Variants in DENND2A observed in about 807,000 individuals in gnomAD.
The protein encoded by DENND2A is DENN domain-containing protein 2A.
Under a neutral mutation model 105.3 loss-of-function variants are expected in DENND2A, and 53 were observed. The observed-to-expected ratio is 0.50, with a 90% CI of 0.40 to 0.63. The LOEUF is 0.63. Among genes scored for constraint, DENND2A ranks in the 30% least tolerant of loss-of-function variants. The pLI, the probability that DENND2A is intolerant of heterozygous loss-of-function variation, is 0.00. For missense variants in DENND2A, 1,138 were observed against 1,279.6 expected (o/e 0.89, Z 1.69); for synonymous variants, 522 against 508.4 (o/e 1.03, Z -0.36).
At chr7:140,638,109 T>TA (rs2130749341) in intron 1 of DENND2A, among the ~76,000 whole-genome samples, 1 of 152,292 alleles carries the variant, frequency 6.6e-6, no homozygotes, top group African/African-American at 2.4e-5. Context: ...AGTCTTTACA[T>TA]AAAGTTCCAC....
intron 9 of DENND2A, among the ~76,000 whole-genome samples, chr7:140,566,142 C>T (rs934258817): frequency 6.6e-6 from 1 of 152,158 alleles, no homozygotes; most frequent in Non-Finnish European, 1.5e-5. Flanking sequence ...AGCGATTCTA[C>T]AGCCTCAGCC....
At chr7:140,612,472 C>T (rs999501172) in intron 1 of DENND2A, among the ~76,000 whole-genome samples, 2 of 151,440 alleles carry the variant, frequency 1.3e-5, no homozygotes, top group African/African-American at 4.9e-5. Flanking sequence ...TTATATATAA[C>T]TTGACACCAA....
At chr7:140,564,798 C>T (rs1251863375) in intron 9 of DENND2A, among the ~76,000 whole-genome samples, 5 of 152,182 alleles carry the variant, frequency 3.3e-5, no homozygotes, top group Admixed American at 6.5e-5. Flanking sequence ...TTAAGCATTG[C>T]CACGTGAACA....
chr7:140,620,027 T>G lies in DENND2A; in HGVS notation c.-247-14221A>C, dbSNP rs573783241. On this transcript the variant is annotated intron_variant, in intron 1 of 19. Transcript: ENST00000496613. ...GGCCGACATAGTGAAACCCCGTCTC[T>G]ACTAAAAATACCAAAAAAATTAGGC... is the stretch of plus-strand genomic sequence containing the variant. Among the ~76,000 whole-genome samples, 176 of 150,092 alleles carry G rather than the reference T, an allele frequency of 1.2e-3. 2 individuals carry two copies. Among genetic ancestry groups the G allele is most frequent in the South Asian group, 7.8e-3 (37 of 4,772 alleles).
In DENND2A at chr7:140,544,499, C is replaced by A. The variant is rs955012657; in HGVS notation, c.2327+119G>T. ...TGTGAGTCACCGCGCCCAGCCTATT[C>A]CATCCTTATCTCAGAAGGGCTTACT... On this transcript the variant is annotated intron_variant, in intron 14 of 19. Coordinates refer to ENST00000496613, the MANE Select transcript of DENND2A (RefSeq NM_015689.5). 2.9e-6 allele frequency: 4 copies of A among 1,366,678 alleles called. No individual in the cohort carries two copies. In the Middle Eastern group the frequency reaches 5.3e-4, roughly 183 times the overall value. The allele number at this position is 1,366,678 out of a possible 1,614,324, so 84.7% of individuals were successfully genotyped here.
intron 5 of DENND2A, among the ~76,000 whole-genome samples, chr7:140,582,944 A>G (rs1284631985): frequency 6.6e-6 from 1 of 152,176 alleles, no homozygotes; most frequent in Non-Finnish European, 1.5e-5. Context: ...TTAGGTTTAG[A>G]ATATAAACCT....
Position 140,585,675 on chromosome 7 carries a change from C to T in DENND2A, c.1159G>A (p.Glu387Lys), listed in dbSNP as rs773432539. Residue 387 changes from glutamate to lysine, a missense_variant, in exon 5 of 20, where the codon GAG becomes AAG. Transcript: ENST00000496613. Reference sequence around the variant, plus strand: ...TTTCCCAGGCAGCGACCATGTAACTCGATGTCCTCATAAGGGTTCTCCTTC... The same window carrying T: ...TTTCCCAGGCAGCGACCATGTAACTTGATGTCCTCATAAGGGTTCTCCTTC... ...PMKENPYEDIELHGRCLGKKC... is the reference protein window; with the variant it reads ...PMKENPYEDIKLHGRCLGKKC... 5.0e-6 allele frequency: 8 copies of T among 1,614,076 alleles called. No homozygotes were observed. The African/African-American group carries it at 6.7e-5, about 13-fold the overall frequency.
upstream of DENND2A, among the ~76,000 whole-genome samples, chr7:140,641,040 T>A (rs1348012114): frequency 6.6e-6 from 1 of 152,046 alleles, no homozygotes. Flanking sequence ...CGGGCTCCAT[T>A]CCACCCAGGC....
intron 8 of DENND2A, 88 bp from the exon 9 acceptor site, chr7:140,567,361 G>A: frequency 8.5e-7 from 1 of 1,178,160 alleles, no homozygotes. Context: ...TGAGCAAAGA[G>A]CCTGAAATGA....
At chr7:140,555,777 C>T in intron 11 of DENND2A, 64 bp from the exon 12 acceptor site, 1 of 1,454,790 alleles carries the variant, frequency 6.9e-7, no homozygotes, top group East Asian at 2.3e-5. Flanking sequence ...AAGGAACCCA[C>T]ATGTTTTTTG....
At chr7:140,613,316 G>A (rs1799967802) in intron 1 of DENND2A, among the ~76,000 whole-genome samples, 1 of 151,990 alleles carries the variant, frequency 6.6e-6, no homozygotes, top group Admixed American at 6.6e-5. Context: ...AAGGCAGGCA[G>A]ATCACTTGAG....
chr7:140,547,445 C>T (rs1019764290), intron 12 of DENND2A, among the ~76,000 whole-genome samples: 1 of 152,108 alleles, frequency 6.6e-6, no homozygotes, highest in Non-Finnish European at 1.5e-5. Flanking sequence ...CCACTTCACA[C>T]CCGTTAGGAT....
chr7:140,606,317 G>A (rs145999884), intron 1 of DENND2A, among the ~76,000 whole-genome samples: 184 of 152,294 alleles, frequency 1.2e-3, no homozygotes, highest in African/African-American at 4.2e-3. Flanking sequence ...TGGGATTACC[G>A]GAGTGAGCCA....
In DENND2A at chr7:140,567,296, AAGAGAGAAAGAGAGAGAG is replaced by A. The variant is rs1467757511; in HGVS notation, c.1592-41_1592-24del. On this transcript the variant is annotated intron_variant, in intron 8 of 19. Transcript: ENST00000496613. ...GAGCTGGGTGAGGGAGGGAGAGAGAAAGAGAGAAAGAGAGAGAGAGAGAGAGAGAGAGAGAGAGAGAGA... is the reference window on the plus strand; with the variant it reads ...GAGCTGGGTGAGGGAGGGAGAGAGAAAGAGAGAGAGAGAGAGAGAGAGAGA... 5.5e-4 allele frequency: 461 copies of A among 831,354 alleles called. 4 individuals carry two copies. Among genetic ancestry groups the A allele is most frequent in the African/African-American group, 2.3e-3 (105 of 45,754 alleles). 51.5% of individuals were successfully genotyped at this position (831,354 alleles called of 1,614,324 possible). A position where few individuals can be genotyped will look rare whatever the true frequency, so the allele number is the denominator to read the frequency against.
At position 140,527,600 on chromosome 7, in the gene DENND2A, A is replaced by G. The variant is rs1003401408; in HGVS notation, c.2328-105T>C. 45 of 1,229,950 alleles carry G rather than the reference A, an allele frequency of 3.7e-5. No homozygotes were observed. Among genetic ancestry groups the G allele is most frequent in the Non-Finnish European group, 4.4e-5 (40 of 899,940 alleles). The allele number at this position is 1,229,950 out of a possible 1,614,324, so 76.2% of individuals were successfully genotyped here. On this transcript the variant is annotated intron_variant, in intron 14 of 19. Coordinates refer to ENST00000496613, the MANE Select transcript of DENND2A (RefSeq NM_015689.5). The surrounding 1 kb of genome is among the most constrained non-coding windows in gnomAD (Gnocchi z 4.9). ...AGAGACAGGATGACTAGGAAAGGAC[A>G]CACGTGGATGTGGATCCGGTGGAGC...
At chr7:140,565,156 G>T (rs1410626828) in intron 9 of DENND2A, among the ~76,000 whole-genome samples, 1 of 152,152 alleles carries the variant, frequency 6.6e-6, no homozygotes, top group Non-Finnish European at 1.5e-5. Flanking sequence ...AGGAGGGGAG[G>T]CCTGGGGACA....
chr7:140,532,665 G>A (rs1217034854), intron 14 of DENND2A, among the ~76,000 whole-genome samples: 1 of 152,126 alleles, frequency 6.6e-6, no homozygotes, highest in Non-Finnish European at 1.5e-5. Flanking sequence ...AGAGTAGGGA[G>A]AGAAGGGTCC....
At chr7:140,581,089 C>A (rs1450809232) in intron 5 of DENND2A, among the ~76,000 whole-genome samples, 1 of 151,820 alleles carries the variant, frequency 6.6e-6, no homozygotes, top group Non-Finnish European at 1.5e-5. Flanking sequence ...ATGGTGAAAC[C>A]CTGTCTTTAC....
chr7:140,615,548 T>TC (rs1800052906), intron 1 of DENND2A, among the ~76,000 whole-genome samples: 1 of 148,696 alleles, frequency 6.7e-6, no homozygotes, highest in African/African-American at 2.5e-5. Flanking sequence ...TTTTTTTTTT[T>TC]CTTTTTTGAG....
Sources: allele counts gnomAD v4.1 joint callset (sites outside exome capture counted in the v4.1 genomes callset), GRCh38; gene constraint gnomAD v4.1.1; non-coding constraint Gnocchi (gnomAD v3.1); transcripts MANE v1.5; gene names NCBI Gene and HGNC (gene_info 2026-07-23, HGNC 2026-07-21).